Variants in DPF2 observed in about 807,000 individuals in gnomAD.
DPF2 encodes double PHD fingers 2.
DPF2 carries 10 observed loss-of-function variants against 59.6 expected under a neutral mutation model. The ratio of observed to expected loss-of-function variants is 0.17; its 90% confidence interval spans 0.10 to 0.28. The LOEUF (loss-of-function observed/expected upper bound fraction) is 0.28. Ranked by LOEUF, DPF2 falls within the 10% of genes least tolerant of loss-of-function variation. The pLI, the probability that DPF2 is intolerant of heterozygous loss-of-function variation, is 1.00. For synonymous variants in DPF2, 189 were observed against 190.6 expected, an observed-to-expected ratio of 0.99 and a Z score of 0.07; for missense variants, 315 against 509.4, an observed-to-expected ratio of 0.62 and a Z score of 3.67.
At position 65,353,574 on chromosome 11, in the gene DPF2, C is replaced by T. The variant is rs910539968; in HGVS notation, c.*1815C>T. Among the ~76,000 whole-genome samples, 1 of 152,174 alleles carries T rather than the reference C, an allele frequency of 6.6e-6. No individual in the cohort carries two copies. Among genetic ancestry groups the T allele is most frequent in the African/African-American group, 2.4e-5 (1 of 41,438 alleles). On this transcript the variant is annotated 3_prime_UTR_variant, in exon 11 of 11. Coordinates refer to ENST00000528416, the MANE Select transcript of DPF2 (RefSeq NM_006268.5). Reference sequence around the variant, plus strand: ...GGCACGTTGATGTGCACACAGTTTCCCTGAAGGCAAAGTGAACATGTGGAG... The same window carrying T: ...GGCACGTTGATGTGCACACAGTTTCTCTGAAGGCAAAGTGAACATGTGGAG...
Position 65,351,928 on chromosome 11 carries a change from C to G in DPF2, c.*169C>G. On this transcript the variant is annotated 3_prime_UTR_variant, in exon 11 of 11. Transcript: ENST00000528416. The stretch of plus-strand genomic sequence containing the variant: ...CTGCAAGCTGAGGTGGCAGCTCTGA[C>G]CACCTCTGGCCCCAGGCCCTCAGGG... 1.5e-6 allele frequency: 1 copy of G among 675,012 alleles called. No homozygotes were observed. The highest frequency in any genetic ancestry group is 2.5e-6 in the Non-Finnish European group (1 of 398,810). The allele number at this position is 675,012 out of a possible 1,614,324, so 41.8% of individuals were successfully genotyped here.
chr11:65,340,971 G>A lies in DPF2; in HGVS notation c.199G>A (p.Ala67Thr). ...TATCTTTCTTCCTGCCACAGGATTG[G>A]CCTCCGGACAGCTGTACTCCTACCC... is the stretch of plus-strand genomic sequence containing the variant. Reference protein sequence around the residue: ...MEKRHRGPGLASGQLYSYPAR... With the variant: ...MEKRHRGPGLTSGQLYSYPAR... Residue 67 changes from alanine to threonine, a missense_variant, in exon 3 of 11, where the codon GCC (alanine) becomes ACC (threonine). Physicochemically the swap from Ala to Thr is moderately conservative, Grantham distance 58. Coordinates refer to ENST00000528416, the MANE Select transcript of DPF2 (RefSeq NM_006268.5). The A allele has an allele frequency of 6.2e-7, 1 of 1,613,932 alleles. No individual in the cohort carries two copies. Among genetic ancestry groups the A allele is most frequent in the Non-Finnish European group, 8.5e-7 (1 of 1,179,976 alleles).
At chr11:65,343,715 C>G in intron 4 of DPF2, 30 bp from the exon 5 acceptor site, 2 of 1,565,342 alleles carry the variant, frequency 1.3e-6, no homozygotes, top group Non-Finnish European at 1.7e-6. Flanking sequence ...GCACATATTT[C>G]TACCCATGCT....
chr11:65,333,875 G>A lies in DPF2; in HGVS notation c.-12G>A. 6.2e-6 allele frequency: 10 copies of A among 1,613,956 alleles called. No individual in the cohort carries two copies. Among genetic ancestry groups the A allele is most frequent in the Non-Finnish European group, 8.5e-6 (10 of 1,179,966 alleles). On this transcript the variant is annotated 5_prime_UTR_variant, in exon 1 of 11. Transcript: ENST00000528416. ...GTGGGGCTTCTCGGCCCGAGGCAGA[G>A]GAACAGGGAAGATGGCGGCTGTGGT...
At chr11:65,344,691 C>T in intron 6 of DPF2, 1 of 1,477,326 alleles carries the variant, frequency 6.8e-7, no homozygotes, top group Non-Finnish European at 9.1e-7. Context: ...TTCCTCCTGC[C>T]TTTCTCATTT....
intron 1 of DPF2, among the ~76,000 whole-genome samples, chr11:65,338,485 TC>T (rs1854272852): frequency 6.6e-6 from 1 of 152,222 alleles, no homozygotes; most frequent in African/African-American, 2.4e-5. Context: ...CCATTTGACT[TC>T]CAGTGTCCGT....
chr11:65,344,414 G>A, intron 6 of DPF2: 1 of 676,162 alleles, frequency 1.5e-6, no homozygotes, highest in Non-Finnish European at 2.5e-6. Context: ...TTCAACGTCT[G>A]TTCTCTTTTT....
At chr11:65,351,471 C>A (rs968872754) in intron 10 of DPF2, among the ~76,000 whole-genome samples, 1 of 152,206 alleles carries the variant, frequency 6.6e-6, no homozygotes, top group South Asian at 2.1e-4. Flanking sequence ...ATGATTATTT[C>A]TTTCATCTCC....
chr11:65,341,699 G>T lies in DPF2; in HGVS notation c.465+137G>T, dbSNP rs543588439. The T allele has an allele frequency of 5.0e-6, 6 of 1,210,630 alleles. No individual in the cohort carries two copies. In the Admixed American group the frequency reaches 1.6e-4, roughly 33 times the overall value. 75.0% of individuals were successfully genotyped at this position (1,210,630 alleles called of 1,614,324 possible). On this transcript the variant is annotated intron_variant, in intron 4 of 10. Transcript: ENST00000528416. Reference sequence around the variant, plus strand: ...CCCCTGCAGTTCTGTTCTTACTTCAGTCCCTGATTATTGTCAGGTACTGAC... The same window carrying T: ...CCCCTGCAGTTCTGTTCTTACTTCATTCCCTGATTATTGTCAGGTACTGAC...
intron 1 of DPF2, among the ~76,000 whole-genome samples, chr11:65,335,076 TTTG>T (rs1164548306): frequency 1.9e-4 from 3 of 15,706 alleles, no homozygotes; most frequent in Non-Finnish European, 3.1e-4. Context: ...CCTCTTGTGG[TTTG>T]TTTTTTTTTT....
chr11:65,341,124 C>CCTG (rs1854357949), intron 3 of DPF2, 51 bp downstream of exon 3: 4 of 1,572,214 alleles, frequency 2.5e-6, no homozygotes, highest in Non-Finnish European at 2.6e-6. Flanking sequence ...ATGGTGAGAG[C>CCTG]CTGCTAATCA....
At chr11:65,342,293 A>G (rs1018514153) in intron 4 of DPF2, among the ~76,000 whole-genome samples, 1 of 152,126 alleles carries the variant, frequency 6.6e-6, no homozygotes, top group African/African-American at 2.4e-5. Flanking sequence ...AAAAATAAAA[A>G]TAAAAAATTA....
chr11:65,334,977 T>C (rs1950076557), intron 1 of DPF2, among the ~76,000 whole-genome samples: 1 of 152,198 alleles, frequency 6.6e-6, no homozygotes, highest in Non-Finnish European at 1.5e-5. Flanking sequence ...CCTAAGAGCC[T>C]TTTTAAAGAG....
In DPF2 at chr11:65,337,502, T is replaced by TAGAGAG. The variant is rs1371740234; in HGVS notation, c.33-2882_33-2881insGAGAGA. Among the ~76,000 whole-genome samples the TAGAGAG allele has an allele frequency of 2.2e-3, 74 of 33,074 alleles. 1 individual carries two copies. The highest frequency in any genetic ancestry group is 3.4e-3 in the South Asian group (2 of 588). The allele number at this position is 33,074 out of a possible 152,430, so 21.7% of individuals were successfully genotyped here. A position where few individuals can be genotyped will look rare whatever the true frequency, so the allele number is the denominator to read the frequency against. On this transcript the variant is annotated intron_variant, in intron 1 of 10. Coordinates refer to ENST00000528416, the MANE Select transcript of DPF2 (RefSeq NM_006268.5). ...ATATATATATATATATATATATATATATAGAGAGAGAGAGAGAGAGAGAGA... is the reference window on the plus strand; with the variant it reads ...ATATATATATATATATATATATATATAGAGAGATAGAGAGAGAGAGAGAGAGAGAGA...
In DPF2 at chr11:65,340,428, A is replaced by C. The variant is rs1854329978; in HGVS notation, c.76A>C (p.Asn26His). The change falls in exon 2 of 11, where the codon AAT becomes CAT. Residue 26 changes from asparagine (N) to histidine (H), a missense_variant. Coordinates refer to ENST00000528416, the MANE Select transcript of DPF2 (RefSeq NM_006268.5). Reference protein sequence around the residue: ...YYKDAMEQCHNYNARLCAERS... With the variant: ...YYKDAMEQCHHYNARLCAERS... ...CAAAGATGCCATGGAGCAGTGCCAC[A>C]ATTACAATGCTCGCCTCTGTGCTGA... is the stretch of plus-strand genomic sequence containing the variant. 1 of 1,614,234 alleles carries C rather than the reference A, an allele frequency of 6.2e-7. No individual in the cohort carries two copies. Among genetic ancestry groups the C allele is most frequent in the East Asian group, 2.2e-5 (1 of 44,890 alleles).
rs540292293 is a variant in DPF2 at position 65,353,562 on chromosome 11, GCA to G, written c.*1808_*1809del. Among the ~76,000 whole-genome samples the G allele has an allele frequency of 4.3e-4, 65 of 152,298 alleles. No homozygotes were observed. The highest frequency in any genetic ancestry group is 3.9e-3 in the South Asian group (19 of 4,824). On this transcript the variant is annotated 3_prime_UTR_variant, in exon 11 of 11. Transcript: ENST00000528416. Reference sequence around the variant, plus strand: ...AGCCTTTCCCAGGGCACGTTGATGTGCACACAGTTTCCCTGAAGGCAAAGTGA... The same window carrying G: ...AGCCTTTCCCAGGGCACGTTGATGTGCACAGTTTCCCTGAAGGCAAAGTGA...
At chr11:65,351,035 C>T (rs1854682749) in intron 10 of DPF2, among the ~76,000 whole-genome samples, 1 of 151,760 alleles carries the variant, frequency 6.6e-6, no homozygotes, top group African/African-American at 2.4e-5. Flanking sequence ...CTGTATGTGG[C>T]TCACACACCC....
chr11:65,343,895 T>C (rs1209600989), intron 5 of DPF2, 58 bp downstream of exon 5: 1 of 1,592,986 alleles, frequency 6.3e-7, no homozygotes, highest in Non-Finnish European at 8.6e-7. Flanking sequence ...GAATTCCTTA[T>C]TTTATTTCAA....
At chr11:65,350,081 A>ATGTTTTGTTT (rs753332286) in intron 10 of DPF2, among the ~76,000 whole-genome samples, 1 of 152,038 alleles carries the variant, frequency 6.6e-6, no homozygotes, top group Non-Finnish European at 1.5e-5. Flanking sequence ...TCGCATGTTT[A>ATGTTTTGTTT]TGTTTTGTTT....
Sources: gnomAD v4.1 joint callset for allele counts (sites outside exome capture counted in the v4.1 genomes callset) on GRCh38, gnomAD v4.1.1 for gene constraint, MANE v1.5 for transcripts, NCBI Gene and HGNC (gene_info 2026-07-23, HGNC 2026-07-21) for gene names.